Variants in RGS20 observed in about 807,000 individuals in gnomAD.
The protein encoded by RGS20 is gz-selective GTPase-activating protein.
A neutral mutation model predicts 33.6 loss-of-function variants in RGS20; 30 were observed. The ratio of observed to expected loss-of-function variants is 0.89; its 90% confidence interval spans 0.67 to 1.21. The LOEUF (loss-of-function observed/expected upper bound fraction) is 1.21. Ranked by LOEUF, RGS20 falls within the 50% of genes most tolerant of loss-of-function variation. The pLI is 0.00. For missense variants in RGS20, 472 were observed against 502.4 expected (o/e 0.94, Z 0.58); for synonymous variants, 208 against 197.9 (o/e 1.05, Z -0.43).
chr8:53,879,238 T>C, intron 1 of RGS20: 1 of 1,606,532 alleles, frequency 6.2e-7, no homozygotes, highest in Non-Finnish European at 8.5e-7. Context: ...GCTGGTTTTG[T>C]TTCTCTCTCC....
intron 1 of RGS20, among the ~76,000 whole-genome samples, chr8:53,867,047 G>T (rs2129269971): frequency 6.6e-6 from 1 of 152,228 alleles, no homozygotes. Flanking sequence ...GGAAACTGAG[G>T]CCCAGGCGAG....
rs66766851 is a variant in RGS20, at chr8:53,889,723, C to CTG, written c.510+10154_510+10155dup. ...TGGATACAAGCCATCTGTCAAAATTCTGTGTGTGTGTGTGTGTGTGTGTGT... is the reference window on the plus strand; with the variant it reads ...TGGATACAAGCCATCTGTCAAAATTCTGTGTGTGTGTGTGTGTGTGTGTGTGT... On this transcript the variant is annotated intron_variant, in intron 2 of 5. Coordinates refer to ENST00000297313, the MANE Select transcript of RGS20 (RefSeq NM_170587.4). Among the ~76,000 whole-genome samples, 680 of 146,096 alleles carry CTG rather than the reference C, an allele frequency of 4.7e-3. 4 individuals carry two copies. Among genetic ancestry groups the CTG allele is most frequent in the South Asian group, 0.015 (68 of 4,508 alleles).
In RGS20 at chr8:53,879,579, G is replaced by A; in HGVS notation, c.487G>A (p.Ala163Thr). The A allele has an allele frequency of 6.6e-7, 1 of 1,525,136 alleles. No homozygotes were observed. Among genetic ancestry groups the A allele is most frequent in the South Asian group, 1.2e-5 (1 of 80,546 alleles). 94.5% of individuals were successfully genotyped at this position (1,525,136 alleles called of 1,614,324 possible). ...CAAGCCCAGGGAAGAAGACGCCACC[G>A]CTGGGCAGAGCTCGCCTATGCCGGT... The change falls in exon 2 of 6, where the codon GCT becomes ACT. Residue 163 changes from alanine (A) to threonine (T), a missense_variant. By Grantham distance (58) the Ala-to-Thr change is moderately conservative. Around this residue, in one of 3 missense-constraint regions of RGS20, gnomAD observed 319 missense variants for 283.4 expected, o/e 1.13. Transcript: ENST00000297313.
chr8:53,890,235 C>T (rs769955612), intron 2 of RGS20, among the ~76,000 whole-genome samples: 3 of 152,152 alleles, frequency 2.0e-5, no homozygotes, highest in Non-Finnish European at 4.4e-5. Flanking sequence ...GTGCCTGAGT[C>T]TTCTGTCAAA....
intron 1 of RGS20, among the ~76,000 whole-genome samples, chr8:53,862,129 TC>T (rs1811822638): frequency 6.6e-6 from 1 of 152,076 alleles, no homozygotes; most frequent in South Asian, 2.1e-4. Flanking sequence ...GCCTCCCCTC[TC>T]TCTCACCCAC....
At chr8:53,923,376 C>T (rs1344441833) in intron 2 of RGS20, among the ~76,000 whole-genome samples, 1 of 152,130 alleles carries the variant, frequency 6.6e-6, no homozygotes, top group Non-Finnish European at 1.5e-5. Context: ...AGGCAGGCTG[C>T]TTGAACTCAA....
chr8:53,918,516 T>G (rs1415165664), intron 2 of RGS20, among the ~76,000 whole-genome samples: 5 of 152,038 alleles, frequency 3.3e-5, no homozygotes, highest in Admixed American at 6.6e-5. Context: ...AGCCTCTGAG[T>G]AGCTGGGACT....
chr8:53,897,055 A>C (rs1335889128), intron 2 of RGS20, among the ~76,000 whole-genome samples: 2 of 152,272 alleles, frequency 1.3e-5, no homozygotes, highest in Non-Finnish European at 1.5e-5. Flanking sequence ...GAATTTGTGA[A>C]AAAAGAAATG....
At chr8:53,905,597 C>T (rs973727728) in intron 2 of RGS20, among the ~76,000 whole-genome samples, 2 of 152,132 alleles carry the variant, frequency 1.3e-5, no homozygotes, top group Non-Finnish European at 2.9e-5. Flanking sequence ...GCTTACGTCT[C>T]GGCTGCTAAT....
At chr8:53,852,877 T>C (rs1421797826) in intron 1 of RGS20, among the ~76,000 whole-genome samples, 1 of 152,200 alleles carries the variant, frequency 6.6e-6, no homozygotes, top group Non-Finnish European at 1.5e-5. Context: ...TTTACAAAAT[T>C]CTCTAGGTCT....
At chr8:53,915,871 C>T (rs1813468541) in intron 2 of RGS20, among the ~76,000 whole-genome samples, 1 of 152,146 alleles carries the variant, frequency 6.6e-6, no homozygotes, top group South Asian at 2.1e-4. Flanking sequence ...TAGGCATGAA[C>T]CACCCCACCT....
At chr8:53,930,849 C>T (rs1813934529) in intron 2 of RGS20, among the ~76,000 whole-genome samples, 1 of 152,164 alleles carries the variant, frequency 6.6e-6, no homozygotes, top group Non-Finnish European at 1.5e-5. Flanking sequence ...GCATCAACAT[C>T]TCATAGGAAA....
intron 4 of RGS20, among the ~76,000 whole-genome samples, chr8:53,946,961 C>A (rs749884308): frequency 2.7e-4 from 41 of 151,424 alleles, no homozygotes; most frequent in Non-Finnish European, 5.0e-4. Flanking sequence ...TTAGTCTAAT[C>A]CCTTTGCTAA....
chr8:53,890,806 A>G (rs971709610), intron 2 of RGS20, among the ~76,000 whole-genome samples: 1 of 152,144 alleles, frequency 6.6e-6, no homozygotes, highest in Admixed American at 6.5e-5. Flanking sequence ...TTTTTTACAA[A>G]TGTTTTGTAG....
Position 53,954,051 on chromosome 8 carries a change from C to T in RGS20, c.744-25C>T, listed in dbSNP as rs184758357. ...ACTACCACTAACAGTTCCCTTTTGCCCCCTCTCTTTTGGTCTCCACGAAGC... is the reference window on the plus strand; with the variant it reads ...ACTACCACTAACAGTTCCCTTTTGCTCCCTCTCTTTTGGTCTCCACGAAGC... On this transcript the variant is annotated intron_variant, in intron 4 of 5. Transcript: ENST00000297313. The T allele has an allele frequency of 4.7e-6, 7 of 1,499,596 alleles. No homozygotes were observed. In the African/African-American group the frequency reaches 8.3e-5, roughly 18 times the overall value. 92.9% of individuals were successfully genotyped at this position (1,499,596 alleles called of 1,614,324 possible).
chr8:53,957,075 CAG>C (rs752509846), intron 5 of RGS20, among the ~76,000 whole-genome samples: 33 of 152,176 alleles, frequency 2.2e-4, no homozygotes, highest in Non-Finnish European at 4.0e-4. Flanking sequence ...CACTAGGACA[CAG>C]AGTTTACCTT....
chr8:53,885,586 T>C (rs933301018), intron 2 of RGS20, among the ~76,000 whole-genome samples: 6 of 151,742 alleles, frequency 4.0e-5, no homozygotes, highest in Admixed American at 6.6e-5. Flanking sequence ...TGCACTCCAG[T>C]CTGGGCGACA....
intron 1 of RGS20, among the ~76,000 whole-genome samples, chr8:53,859,236 A>G (rs964289523): frequency 6.6e-6 from 1 of 152,236 alleles, no homozygotes; most frequent in Admixed American, 6.5e-5. Flanking sequence ...ATACACCACA[A>G]TGGAAGCTGT....
chr8:53,887,478 A>G (rs568518330), intron 2 of RGS20, among the ~76,000 whole-genome samples: 3 of 152,262 alleles, frequency 2.0e-5, no homozygotes, highest in East Asian at 3.9e-4. Context: ...AAAAATCTGC[A>G]TTTTGGTGGA....
Sources: gnomAD v4.1 joint callset for allele counts (sites outside exome capture counted in the v4.1 genomes callset) on GRCh38, gnomAD v4.1.1 for gene constraint, gnomAD v4.1.1 regional missense constraint, MANE v1.5 for transcripts, NCBI Gene and HGNC (gene_info 2026-07-23, HGNC 2026-07-21) for gene names.